Variants in GUCY1A2 observed in about 807,000 individuals in gnomAD.
GUCY1A2 encodes the protein guanylate cyclase soluble subunit alpha-2.
GUCY1A2 carries 27 observed loss-of-function variants against 63.5 expected under a neutral mutation model. The observed-to-expected ratio is 0.43, with a 90% CI of 0.31 to 0.59. The LOEUF is 0.59. Ranked by LOEUF, GUCY1A2 falls within the 20% of genes least tolerant of loss-of-function variation. The pLI is 0.11. For synonymous variants in GUCY1A2, 364 were observed against 343.5 expected (o/e 1.06, Z -0.66); for missense variants, 768 against 913.3 (o/e 0.84, Z 2.05).
intron 4 of GUCY1A2, among the ~76,000 whole-genome samples, chr11:106,908,689 T>C (rs1402158582): frequency 6.6e-6 from 1 of 152,012 alleles, no homozygotes; most frequent in Non-Finnish European, 1.5e-5. Flanking sequence ...ATTCTTTTTG[T>C]AATAAAATAA....
intron 1 of GUCY1A2, 67 bp downstream of exon 1, chr11:107,017,686 C>A: frequency 9.7e-7 from 1 of 1,028,784 alleles, no homozygotes; most frequent in Non-Finnish European, 1.3e-6. Flanking sequence ...CCGGCTCGCC[C>A]AGCGCCAACT....
rs368783735 is a variant in GUCY1A2, at chr11:106,944,325, A to T, written c.488-4147T>A. Reference sequence around the variant, plus strand: ...GCCAGGCATAGTGGTGCAGGCCCGCAGTCCCAGCTACTCTGGAGGCTGAGG... The same window carrying T: ...GCCAGGCATAGTGGTGCAGGCCCGCTGTCCCAGCTACTCTGGAGGCTGAGG... On this transcript the variant is annotated intron_variant, in intron 3 of 7. Transcript: ENST00000526355. Among the ~76,000 whole-genome samples the T allele has an allele frequency of 2.6e-5, 4 of 151,204 alleles. No individual in the cohort carries two copies. The South Asian group carries it at 8.4e-4, about 32-fold the overall frequency.
At chr11:106,924,963 C>T (rs1391162576) in intron 4 of GUCY1A2, among the ~76,000 whole-genome samples, 1 of 152,062 alleles carries the variant, frequency 6.6e-6, no homozygotes, top group African/African-American at 2.4e-5. Flanking sequence ...GCCAAGATTA[C>T]TCCACTGCAC....
intron 5 of GUCY1A2, 147 bp downstream of exon 5, chr11:106,809,846 A>G: frequency 1.8e-6 from 1 of 548,640 alleles, no homozygotes; most frequent in South Asian, 3.3e-5. Context: ...TTACTCATAA[A>G]GAAGAAATAC....
chr11:106,940,375 C>T (rs1390716187), intron 3 of GUCY1A2, among the ~76,000 whole-genome samples, 197 bp from the exon 4 acceptor site: 1 of 152,168 alleles, frequency 6.6e-6, no homozygotes, highest in Admixed American at 6.5e-5. Context: ...CTTCAGGATG[C>T]CTCTAAAATG....
chr11:106,731,460 C>T (rs953981040), intron 6 of GUCY1A2, among the ~76,000 whole-genome samples: 4 of 152,068 alleles, frequency 2.6e-5, no homozygotes, highest in African/African-American at 9.7e-5. Flanking sequence ...GAAACATTTC[C>T]CTTGAAAGCC....
intron 3 of GUCY1A2, among the ~76,000 whole-genome samples, chr11:106,969,121 A>G (rs983422984): frequency 6.6e-6 from 1 of 152,184 alleles, no homozygotes; most frequent in African/African-American, 2.4e-5. Context: ...TCATAAGGGG[A>G]ATTTACCATA....
intron 4 of GUCY1A2, among the ~76,000 whole-genome samples, chr11:106,839,645 G>A (rs1276675502): frequency 1.3e-5 from 2 of 151,944 alleles, no homozygotes; most frequent in Admixed American, 1.3e-4. Flanking sequence ...TTAAGAAAAT[G>A]TGGCACATAT....
rs1862451811 is a variant in GUCY1A2, at chr11:106,682,683, T to C, written c.*4866A>G. On this transcript the variant is annotated 3_prime_UTR_variant, in exon 8 of 8. Transcript: ENST00000526355. ...TTCTTTCAATCATGAAACATCTACA[T>C]TCAATAAACACAGATGCATACACAC... 4.7e-6 allele frequency: 1 copy of C among 211,260 alleles called. No individual in the cohort carries two copies. Among genetic ancestry groups the C allele is most frequent in the East Asian group, 7.1e-5 (1 of 14,110 alleles). 13.1% of individuals were successfully genotyped at this position (211,260 alleles called of 1,614,324 possible).
chr11:106,992,694 T>C (rs898603742), intron 1 of GUCY1A2, among the ~76,000 whole-genome samples: 6 of 152,140 alleles, frequency 3.9e-5, no homozygotes, highest in African/African-American at 1.4e-4. Context: ...TTACATAAAA[T>C]TACAAAATCA....
intron 7 of GUCY1A2, among the ~76,000 whole-genome samples, chr11:106,698,584 T>G (rs1862764095): frequency 6.6e-6 from 1 of 152,204 alleles, no homozygotes; most frequent in Non-Finnish European, 1.5e-5. Flanking sequence ...CATCTAATAT[T>G]AACATTCCAC....
At chr11:106,950,329 G>GCCAGCAGCAGC (rs1050082704) in intron 3 of GUCY1A2, among the ~76,000 whole-genome samples, 2 of 152,140 alleles carry the variant, frequency 1.3e-5, no homozygotes, top group South Asian at 2.1e-4. Context: ...AAGACACAAA[G>GCCAGCAGCAGC]CCAGCAGCAG....
At chr11:106,703,154 A>G (rs1459567630) in intron 7 of GUCY1A2, among the ~76,000 whole-genome samples, 5 of 152,136 alleles carry the variant, frequency 3.3e-5, no homozygotes, top group African/African-American at 1.2e-4. Context: ...TTGGACTCCA[A>G]GTCCTTCAGC....
intron 5 of GUCY1A2, among the ~76,000 whole-genome samples, chr11:106,794,541 T>C (rs1864720437): frequency 6.6e-6 from 1 of 152,054 alleles, no homozygotes; most frequent in Non-Finnish European, 1.5e-5. Context: ...TAATTATGTC[T>C]GATAATAGAT....
chr11:106,828,099 A>T (rs1469685129), intron 4 of GUCY1A2, among the ~76,000 whole-genome samples: 2 of 151,794 alleles, frequency 1.3e-5, no homozygotes, highest in East Asian at 3.9e-4. Context: ...CATTCTGGCT[A>T]TTAGTTCTTT....
Position 106,684,809 on chromosome 11 carries a change from C to T in GUCY1A2, c.*2740G>A. On this transcript the variant is annotated 3_prime_UTR_variant, in exon 8 of 8. Coordinates refer to ENST00000526355, the MANE Select transcript of GUCY1A2 (RefSeq NM_000855.3). ...TGTATCTGCCATACTAAAATGCATGCTGTTGGTAATAGTTTGTAAGTAAGT... is the reference window on the plus strand; with the variant it reads ...TGTATCTGCCATACTAAAATGCATGTTGTTGGTAATAGTTTGTAAGTAAGT... 4.8e-6 allele frequency: 1 copy of T among 210,244 alleles called. No homozygotes were observed. The allele number at this position is 210,244 out of a possible 1,614,324, so 13.0% of individuals were successfully genotyped here. A position where few individuals can be genotyped will look rare whatever the true frequency, so the allele number is the denominator to read the frequency against.
At chr11:106,986,761 C>T (rs766618022) in intron 1 of GUCY1A2, among the ~76,000 whole-genome samples, 5 of 152,074 alleles carry the variant, frequency 3.3e-5, no homozygotes, top group African/African-American at 4.8e-5. Context: ...CAGCAGTCAG[C>T]CTGACTTCCT....
At position 106,810,445 on chromosome 11, in the gene GUCY1A2, G is replaced by A; in HGVS notation, c.1240C>T (p.Pro414Ser). 1 of 1,610,152 alleles carries A rather than the reference G, an allele frequency of 6.2e-7. No individual in the cohort carries two copies. Among genetic ancestry groups the A allele is most frequent in the Non-Finnish European group, 8.5e-7 (1 of 1,177,236 alleles). ...MEVKGQMIHV[P>S]ESNSILFLGS... ...AAAAATAAAATGGAATTTGATTCTG[G>A]AACATGGATCATTTGTCCTTTGACT... Residue 414 changes from proline (P) to serine (S), a missense_variant, in exon 5 of 8, where the codon CCA becomes TCA. Physicochemically the swap from Pro to Ser is moderately conservative, Grantham distance 74. This residue lies in a region of GUCY1A2 where 122 missense variants were observed against 238.1 expected (regional missense o/e 0.51). Coordinates refer to ENST00000526355, the MANE Select transcript of GUCY1A2 (RefSeq NM_000855.3).
At chr11:106,820,370 A>G (rs1858885478) in intron 4 of GUCY1A2, among the ~76,000 whole-genome samples, 1 of 152,200 alleles carries the variant, frequency 6.6e-6, no homozygotes, top group Non-Finnish European at 1.5e-5. Context: ...ATTAGTGAGC[A>G]GCCAGTACTA....
Sources: gnomAD v4.1 joint callset for allele counts (sites outside exome capture counted in the v4.1 genomes callset) on GRCh38, gnomAD v4.1.1 for gene constraint, gnomAD v4.1.1 regional missense constraint, MANE v1.5 for transcripts, NCBI Gene and HGNC (gene_info 2026-07-23, HGNC 2026-07-21) for gene names.